PRKG1: variants seen among roughly 807,000 people sequenced by gnomAD.
PRKG1 encodes the protein protein kinase cGMP-dependent 1, also known as cGMP-dependent protein kinase 1.
In PRKG1, 35 loss-of-function variants were observed where a neutral mutation model predicts 88.1. The ratio of observed to expected loss-of-function variants is 0.40; its 90% CI spans 0.30 to 0.53. The LOEUF (loss-of-function observed/expected upper bound fraction) is 0.53, where lower values mean the gene tolerates loss of function less well. PRKG1 is among the 20% of genes least tolerant of loss of function. The probability of loss-of-function intolerance (pLI) is 0.59; values close to 1 mark genes in which losing one functional copy is unlikely to be tolerated. For synonymous variants in PRKG1, 303 were observed against 292.5 expected, an observed-to-expected ratio of 1.04 and a Z score of -0.37; for missense variants, 540 against 839.8, an observed-to-expected ratio of 0.64 and a Z score of 4.41.
chr10:51,469,856 A>G (rs1840002457), intron 3 of PRKG1, among the ~76,000 whole-genome samples: 2 of 151,926 alleles, frequency 1.3e-5, no homozygotes, highest in Admixed American at 6.6e-5. Context: ...GTGCAAATAT[A>G]TATCTGCATT....
chr10:51,535,658 A>T (rs1175289353), intron 3 of PRKG1, among the ~76,000 whole-genome samples: 1 of 152,140 alleles, frequency 6.6e-6, no homozygotes, highest in Non-Finnish European at 1.5e-5. Context: ...AAAAAGAGAG[A>T]GGAAGAATAA....
At chr10:51,110,194 C>T (rs988079580) in intron 1 of PRKG1, among the ~76,000 whole-genome samples, 4 of 152,016 alleles carry the variant, frequency 2.6e-5, no homozygotes, top group Admixed American at 1.3e-4. Context: ...ACCGATTCCA[C>T]CCCTGTGTAT....
At chr10:52,247,977 T>C (rs1486219061) in intron 9 of PRKG1, among the ~76,000 whole-genome samples, 3 of 152,220 alleles carry the variant, frequency 2.0e-5, no homozygotes, top group African/African-American at 4.8e-5. Context: ...ATTGTTTATA[T>C]AGATATTAAA....
At chr10:51,435,714 T>A (rs1588955396) in intron 2 of PRKG1, among the ~76,000 whole-genome samples, 1 of 151,890 alleles carries the variant, frequency 6.6e-6, no homozygotes, top group Non-Finnish European at 1.5e-5. Flanking sequence ...AATAGTGTGG[T>A]GAGCAAGTTA....
rs548453108 is a variant in PRKG1, at chr10:51,163,784, C to T, written c.478+10454C>T. Among the ~76,000 whole-genome samples, 271 of 152,292 alleles carry T rather than the reference C, an allele frequency of 1.8e-3. 1 individual carries two copies. The highest frequency in any genetic ancestry group is 5.9e-3 in the African/African-American group (245 of 41,572). On this transcript the variant is annotated intron_variant, in intron 2 of 17. Transcript: ENST00000373980. ...GGAGGGTCCTACGCCCACGGAGTCT[C>T]GCTGATTGCTAGCACAGCAGTCTGA...
At chr10:51,346,296 T>C (rs1842112391) in intron 2 of PRKG1, among the ~76,000 whole-genome samples, 1 of 152,232 alleles carries the variant, frequency 6.6e-6, no homozygotes, top group Non-Finnish European at 1.5e-5. Context: ...TCTGTGTTGC[T>C]CATTTTAAAA....
In PRKG1 at chr10:52,282,197, A is replaced by G. The variant is rs1842016993; in HGVS notation, c.1590A>G (p.Thr530=). The G allele has an allele frequency of 6.2e-7, 1 of 1,608,728 alleles. No individual in the cohort carries two copies. The highest frequency in any genetic ancestry group is 8.5e-7 in the Non-Finnish European group (1 of 1,177,048). ...AGAAAATAGGATTTGGAAAGAAAAC[A>G]TGGACTTTTTGTGGGACTCCAGAGT... ...FAKKIGFGKK[T]WTFCGTPEYV... is the part of the protein sequence containing the mutation. Residue 530 remains threonine (T), a synonymous_variant, in exon 14 of 18, where the codon ACA becomes ACG. Transcript: ENST00000373980.
intron 3 of PRKG1, chr10:51,696,998 AT>A (rs1841311604): frequency 6.6e-6 from 1 of 151,436 alleles, no homozygotes; most frequent in Non-Finnish European, 1.5e-5. Context: ...CAGCAAAATC[AT>A]CATGCTCAGA....
chr10:51,058,688 A>G (rs1283446204), intron 1 of PRKG1, among the ~76,000 whole-genome samples: 1 of 152,166 alleles, frequency 6.6e-6, no homozygotes, highest in Admixed American at 6.6e-5. Flanking sequence ...TCTCCTTACA[A>G]TGAGTGCTTT....
intron 7 of PRKG1, among the ~76,000 whole-genome samples, chr10:52,102,374 T>C (rs760968204): frequency 6.6e-6 from 1 of 152,134 alleles, no homozygotes. Context: ...GAATTGACAA[T>C]GCTCTGAAAG....
chr10:51,644,177 G>C (rs1839864737), intron 3 of PRKG1, among the ~76,000 whole-genome samples: 1 of 152,108 alleles, frequency 6.6e-6, no homozygotes, highest in South Asian at 2.1e-4. Flanking sequence ...CCAAATTTAT[G>C]ACATAGTTTA....
At chr10:52,140,456 G>A (rs980041908) in intron 8 of PRKG1, among the ~76,000 whole-genome samples, 17 of 151,786 alleles carry the variant, frequency 1.1e-4, no homozygotes, top group Admixed American at 7.2e-4. Flanking sequence ...TAACTCTTTC[G>A]CATTGTATCC....
At chr10:51,587,141 T>C (rs1838193044) in intron 3 of PRKG1, among the ~76,000 whole-genome samples, 1 of 152,098 alleles carries the variant, frequency 6.6e-6, no homozygotes, top group Non-Finnish European at 1.5e-5. Context: ...CTGAGAAATG[T>C]AGGAACTGGC....
At chr10:52,202,774 G>A (rs1349047119) in intron 9 of PRKG1, among the ~76,000 whole-genome samples, 1 of 152,036 alleles carries the variant, frequency 6.6e-6, no homozygotes, top group Non-Finnish European at 1.5e-5. Context: ...AAGTTTCCAA[G>A]AGTTTATCCA....
intron 2 of PRKG1, among the ~76,000 whole-genome samples, chr10:51,271,024 G>A (rs1220883720): frequency 1.3e-5 from 2 of 152,170 alleles, no homozygotes; most frequent in Admixed American, 6.5e-5. Context: ...TTTTGTCAGT[G>A]AGAAATCTAA....
At chr10:51,185,602 G>T (rs1357086995) in intron 2 of PRKG1, among the ~76,000 whole-genome samples, 1 of 151,878 alleles carries the variant, frequency 6.6e-6, no homozygotes, top group African/African-American at 2.4e-5. Context: ...GTCTTCTCCT[G>T]TTTGTATAGA....
intron 3 of PRKG1, among the ~76,000 whole-genome samples, chr10:51,788,561 A>T (rs1208451550): frequency 6.6e-6 from 1 of 152,274 alleles, no homozygotes; most frequent in East Asian, 1.9e-4. Context: ...CCAAAATGGG[A>T]CATTTCTATT....
chr10:51,941,820 A>G (rs2014035), intron 5 of PRKG1, among the ~76,000 whole-genome samples: 7,753 of 151,798 alleles, frequency 0.051, 514 homozygotes, highest in African/African-American at 0.15. Context: ...TCCATGGTGT[A>G]TATGTGCCAC....
intron 2 of PRKG1, among the ~76,000 whole-genome samples, chr10:51,440,594 A>T (rs1173236039): frequency 6.6e-6 from 1 of 151,924 alleles, no homozygotes; most frequent in African/African-American, 2.4e-5. Flanking sequence ...ATCAAAATTC[A>T]ATTATGGTAT....
Sources: allele counts gnomAD v4.1 joint callset (sites outside exome capture counted in the v4.1 genomes callset), GRCh38; gene constraint gnomAD v4.1.1; transcripts MANE v1.5; gene names NCBI Gene and HGNC (gene_info 2026-07-23, HGNC 2026-07-21).